The following HHLA2 variants were observed in gnomAD, a reference collection of about 807,000 sequenced individuals.
HHLA2 encodes HHLA2 member of B7 family.
In HHLA2, 48 loss-of-function variants were observed where a neutral mutation model predicts 45.9. That is an observed-to-expected ratio of 1.05 (90% CI 0.83 to 1.33). The LOEUF (loss-of-function observed/expected upper bound fraction) is 1.33, where lower values mean the gene tolerates loss of function less well. Ranked by LOEUF, HHLA2 falls within the 40% of genes most tolerant of loss-of-function variation. The pLI, the probability that HHLA2 is intolerant of heterozygous loss-of-function variation, is 0.00. For missense variants in HHLA2, 462 were observed against 494.3 expected, an observed-to-expected ratio of 0.93 and a Z score of 0.62; for synonymous variants, 161 against 173.9, an observed-to-expected ratio of 0.93 and a Z score of 0.59.
At chr3:108,299,769 T>G (rs2080821191) in intron 1 of HHLA2, among the ~76,000 whole-genome samples, 1 of 152,158 alleles carries the variant, frequency 6.6e-6, no homozygotes, top group Non-Finnish European at 1.5e-5. Context: ...TAACTCAACC[T>G]TATATGCCCT....
At chr3:108,303,657 C>T (rs1178526578) in intron 1 of HHLA2, among the ~76,000 whole-genome samples, 1 of 151,888 alleles carries the variant, frequency 6.6e-6, no homozygotes, top group African/African-American at 2.4e-5. Flanking sequence ...TGTTTTATTC[C>T]AGGTTGGGCT....
chr3:108,329,134 C>A (rs1302935727), intron 3 of HHLA2, among the ~76,000 whole-genome samples: 1 of 152,162 alleles, frequency 6.6e-6, no homozygotes, highest in African/African-American at 2.4e-5. Flanking sequence ...AAATGTAGAT[C>A]ATTTAGTCAA....
intron 2 of HHLA2, among the ~76,000 whole-genome samples, chr3:108,319,935 C>T (rs2081170157): frequency 6.6e-6 from 1 of 152,204 alleles, no homozygotes; most frequent in Non-Finnish European, 1.5e-5. Context: ...GTACATATCA[C>T]ATAGCCTATG....
chr3:108,327,948 C>T (rs774415651), intron 2 of HHLA2, among the ~76,000 whole-genome samples: 1 of 152,040 alleles, frequency 6.6e-6, no homozygotes, highest in Non-Finnish European at 1.5e-5. Flanking sequence ...GCCTGGCCAA[C>T]GTGGTGAAAC....
intron 3 of HHLA2, among the ~76,000 whole-genome samples, chr3:108,347,595 T>TA (rs1452357879): frequency 1.3e-5 from 2 of 152,082 alleles, no homozygotes; most frequent in African/African-American, 2.4e-5. Context: ...CTTCTTTTTT[T>TA]AAAAAATATG....
chr3:108,310,087 T>C (rs2107308286), intron 1 of HHLA2, among the ~76,000 whole-genome samples: 1 of 152,282 alleles, frequency 6.6e-6, no homozygotes, highest in African/African-American at 2.4e-5. Context: ...CTGTGTCCTT[T>C]TGACATACCC....
intron 7 of HHLA2, among the ~76,000 whole-genome samples, chr3:108,359,076 C>T (rs989506069): frequency 3.3e-5 from 5 of 151,958 alleles, no homozygotes; most frequent in African/African-American, 1.2e-4. Context: ...TTTGAAGCTC[C>T]TATTTTTCTC....
intron 3 of HHLA2, among the ~76,000 whole-genome samples, chr3:108,349,884 T>C (rs892339976): frequency 3.9e-5 from 6 of 152,122 alleles, no homozygotes; most frequent in Non-Finnish European, 7.4e-5. Flanking sequence ...GTAGCAAATA[T>C]TGGAGTCATT....
At chr3:108,371,350 G>A (rs559919664) in intron 8 of HHLA2, among the ~76,000 whole-genome samples, 19 of 152,144 alleles carry the variant, frequency 1.2e-4, no homozygotes, top group Non-Finnish European at 2.4e-4. Context: ...AAAAACAACC[G>A]GTACCAGCCA....
At chr3:108,342,215 A>G (rs1320198187) in intron 3 of HHLA2, among the ~76,000 whole-genome samples, 1 of 149,540 alleles carries the variant, frequency 6.7e-6, no homozygotes, top group Non-Finnish European at 1.5e-5. Context: ...TATTACATTT[A>G]GCTAGTTGAT....
chr3:108,346,978 C>G (rs2081672480), intron 3 of HHLA2, among the ~76,000 whole-genome samples: 1 of 152,134 alleles, frequency 6.6e-6, no homozygotes, highest in African/African-American at 2.4e-5. Context: ...ATTGCAGAGG[C>G]TGCCTCTCTC....
At chr3:108,301,325 C>T (rs1450820130) in intron 1 of HHLA2, among the ~76,000 whole-genome samples, 1 of 152,036 alleles carries the variant, frequency 6.6e-6, no homozygotes, top group African/African-American at 2.4e-5. Context: ...GTACTTTTGT[C>T]TTCCCTGTGA....
chr3:108,367,845 A>T (rs1355190102), intron 8 of HHLA2, among the ~76,000 whole-genome samples: 2 of 152,186 alleles, frequency 1.3e-5, no homozygotes, highest in Non-Finnish European at 2.9e-5. Flanking sequence ...CAAATTCAGG[A>T]CATACAGAGA....
At chr3:108,319,718 G>T (rs1458384794) in intron 2 of HHLA2, among the ~76,000 whole-genome samples, 1 of 152,202 alleles carries the variant, frequency 6.6e-6, no homozygotes, top group African/African-American at 2.4e-5. Flanking sequence ...TGCAAGAGCA[G>T]ATGTGCTTGT....
chr3:108,313,503 T>C (rs2081053964), intron 2 of HHLA2, among the ~76,000 whole-genome samples: 1 of 152,178 alleles, frequency 6.6e-6, no homozygotes, highest in African/African-American at 2.4e-5. Flanking sequence ...TCTTTCTGGG[T>C]TGTGTGTGCA....
chr3:108,365,955 CCTATTTGAATACT>C, intron 8 of HHLA2, among the ~76,000 whole-genome samples: 1 of 152,284 alleles, frequency 6.6e-6, no homozygotes, highest in South Asian at 2.1e-4. Flanking sequence ...TTCCTCCGTT[CCTATTTGAATACT>C]CTATTTATGT....
chr3:108,376,391 CT>C, intron 9 of HHLA2, 101 bp from the exon 9 acceptor site: 4 of 844,208 alleles, frequency 4.7e-6, no homozygotes, highest in Non-Finnish European at 7.2e-6. Flanking sequence ...GGGAGAGTAA[CT>C]CAGATGATTC....
chr3:108,372,341 A>T (rs547782735), intron 8 of HHLA2, among the ~76,000 whole-genome samples: 2 of 151,808 alleles, frequency 1.3e-5, no homozygotes, highest in African/African-American at 4.8e-5. Context: ...GTAGAGGGAA[A>T]TTTATAGCAC....
chr3:108,350,727 C>G (rs1261022451), intron 3 of HHLA2, among the ~76,000 whole-genome samples: 1 of 152,062 alleles, frequency 6.6e-6, no homozygotes, highest in Non-Finnish European at 1.5e-5. Context: ...CTGTCTTGCC[C>G]AGGCTGGAGT....
Sources: allele counts gnomAD v4.1 joint callset (sites outside exome capture counted in the v4.1 genomes callset), GRCh38; gene constraint gnomAD v4.1.1; transcripts MANE v1.5; gene names NCBI Gene and HGNC (gene_info 2026-07-23, HGNC 2026-07-21).